Variants in MAU2 observed in about 807,000 individuals in gnomAD.
MAU2 encodes the protein MAU2 chromatid cohesion factor homolog.
Under a neutral mutation model 89.1 loss-of-function variants are expected in MAU2, and 9 were observed. The ratio of observed to expected loss-of-function variants is 0.10; its 90% confidence interval spans 0.06 to 0.18. The LOEUF (loss-of-function observed/expected upper bound fraction) is 0.18, where lower values mean the gene tolerates loss of function less well. Among genes scored for constraint, MAU2 ranks in the 10% least tolerant of loss-of-function variants. The pLI, the probability that MAU2 is intolerant of heterozygous loss-of-function variation, is 1.00. For missense variants in MAU2, 425 were observed against 803.5 expected (o/e 0.53, Z 5.69); for synonymous variants, 357 against 343.4 (o/e 1.04, Z -0.44).
chr19:19,351,743 G>A (rs73526511), intron 16 of MAU2, among the ~76,000 whole-genome samples: 3,248 of 151,052 alleles, frequency 0.022, 123 homozygotes, highest in African/African-American at 0.074. Flanking sequence ...AGGCTGAGAA[G>A]CAAAACAGAA....
intron 13 of MAU2, chr19:19,347,619 C>G: frequency 2.3e-6 from 1 of 434,936 alleles, no homozygotes; most frequent in Non-Finnish European, 4.2e-6. Context: ...ACAAACCAAG[C>G]TGTATGAATC....
chr19:19,327,288 A>AT (rs1325442917), intron 1 of MAU2, among the ~76,000 whole-genome samples: 23 of 149,492 alleles, frequency 1.5e-4, no homozygotes, highest in Admixed American at 1.3e-3. Context: ...TGCCAGGCTA[A>AT]TTTTTTCTAC....
Position 19,355,913 on chromosome 19 carries a change from G to C in MAU2, c.*131G>C. ...TAGAGCTTCCAAGTCCTGGGAATGT[G>C]CGGGGCCAGTCCCTGCCCTCCCAGG... On this transcript the variant is annotated 3_prime_UTR_variant, in exon 19 of 19. Transcript: ENST00000262815. 1.1e-6 allele frequency: 1 copy of C among 906,450 alleles called. No individual in the cohort carries two copies. The highest frequency in any genetic ancestry group is 1.8e-6 in the Non-Finnish European group (1 of 563,244). 56.2% of individuals were successfully genotyped at this position (906,450 alleles called of 1,614,324 possible). A position where few individuals can be genotyped will look rare whatever the true frequency, so the allele number is the denominator to read the frequency against.
Position 19,338,903 on chromosome 19 carries a change from C to T in MAU2, c.515C>T (p.Ala172Val). The part of the protein sequence containing the change: ...VSACDLLGVG[A>V]EYARVVGSEY... ...GCCTGTGACCTCCTGGGTGTAGGGG[C>T]CGAGTACGCCCGGGTGGTGGGATCT... The change falls in exon 5 of 19, where the codon GCC (alanine) becomes GTC (valine). Residue 172 changes from alanine to valine, a missense_variant. Physicochemically the swap from Ala to Val is moderately conservative, Grantham distance 64. Coordinates refer to ENST00000262815, the MANE Select transcript of MAU2 (RefSeq NM_015329.4). The T allele has an allele frequency of 6.2e-7, 1 of 1,613,686 alleles. No individual in the cohort carries two copies. Among genetic ancestry groups the T allele is most frequent in the Non-Finnish European group, 8.5e-7 (1 of 1,179,926 alleles).
chr19:19,346,077 G>T (rs925900837), intron 12 of MAU2, among the ~76,000 whole-genome samples: 8 of 152,144 alleles, frequency 5.3e-5, no homozygotes, highest in African/African-American at 1.9e-4. Flanking sequence ...TCCTGTGTGC[G>T]CCCTGACTGT....
At chr19:19,342,507 TG>T (rs765870579) in intron 7 of MAU2, 27 bp from the exon 8 acceptor site, 4 of 1,528,898 alleles carry the variant, frequency 2.6e-6, no homozygotes, top group Middle Eastern at 1.8e-4. Flanking sequence ...CAGGCTCAGG[TG>T]GATGCTCGGG....
At position 19,346,611 on chromosome 19, in the gene MAU2, G is replaced by A. The variant is rs572110966; in HGVS notation, c.1222-669G>A. On this transcript the variant is annotated intron_variant, in intron 12 of 18. Transcript: ENST00000262815. ...GGGTGTGTGCCAGGAGGGGATCTGT[G>A]CAGGTGGGGTCTGTGCTTCCTGGGC... Among the ~76,000 whole-genome samples, 11 of 152,280 alleles carry A rather than the reference G, an allele frequency of 7.2e-5. No homozygotes were observed. The East Asian group carries it at 2.1e-3, about 29-fold the overall frequency.
chr19:19,355,157 C>A, intron 17 of MAU2, 107 bp from the exon 18 acceptor site: 2 of 1,415,830 alleles, frequency 1.4e-6, no homozygotes, highest in Non-Finnish European at 1.9e-6. Context: ...ACCCAGAGAT[C>A]CACCAGTGCA....
rs547743669 is a variant in MAU2, at chr19:19,340,725, G to C, written c.552-121G>C. 40 of 830,848 alleles carry C rather than the reference G, an allele frequency of 4.8e-5. No homozygotes were observed. The South Asian group carries it at 7.0e-4, about 14-fold the overall frequency. The allele number at this position is 830,848 out of a possible 1,614,324, so 51.5% of individuals were successfully genotyped here. On this transcript the variant is annotated intron_variant, in intron 5 of 18. Coordinates refer to ENST00000262815, the MANE Select transcript of MAU2 (RefSeq NM_015329.4). The stretch of plus-strand genomic sequence containing the variant: ...CAGTCTTGTAAGGGGACTGTTCTCT[G>C]TTGTCCACTGAACTGTCCCCTGAGG...
At chr19:19,328,277 A>C (rs1300820315) in intron 1 of MAU2, among the ~76,000 whole-genome samples, 3 of 151,676 alleles carry the variant, frequency 2.0e-5, no homozygotes, top group Non-Finnish European at 2.9e-5. Flanking sequence ...CATCCCTGTA[A>C]GTTTTCATTC....
chr19:19,332,765 C>T (rs1229955136), intron 1 of MAU2, among the ~76,000 whole-genome samples: 1 of 152,134 alleles, frequency 6.6e-6, no homozygotes, highest in Non-Finnish European at 1.5e-5. Context: ...TAGCAGCAGG[C>T]ATATCTGGCT....
At chr19:19,324,518 G>T (rs1217532340) in intron 1 of MAU2, among the ~76,000 whole-genome samples, 3 of 152,180 alleles carry the variant, frequency 2.0e-5, no homozygotes, top group African/African-American at 7.2e-5. Context: ...TCCCAGGGCT[G>T]TTCAGCCTGT....
rs760801458 is a variant in MAU2 at position 19,338,838 on chromosome 19, T to G, written c.457-7T>G. ...CAGCAAAGGTCACTGCTCTCTTTCCTTTTTAGCAACTGCACACGCTTGAGA... is the reference window on the plus strand; with the variant it reads ...CAGCAAAGGTCACTGCTCTCTTTCCGTTTTAGCAACTGCACACGCTTGAGA... On this transcript the variant is annotated splice_region_variant and splice_polypyrimidine_tract_variant and intron_variant, in intron 4 of 18. Coordinates refer to ENST00000262815, the MANE Select transcript of MAU2 (RefSeq NM_015329.4). The G allele has an allele frequency of 6.2e-6, 10 of 1,609,404 alleles. No homozygotes were observed. Among genetic ancestry groups the G allele is most frequent in the Admixed American group, 5.1e-5 (3 of 59,358 alleles).
chr19:19,349,480 C>A, intron 16 of MAU2, 44 bp downstream of exon 16: 3 of 1,560,878 alleles, frequency 1.9e-6, no homozygotes, highest in Non-Finnish European at 2.6e-6. Context: ...GCCTGTGGGG[C>A]TTGGCTGAGG....
At position 19,358,699 on chromosome 19, in the gene MAU2, C is replaced by T. The variant is rs1044760490; in HGVS notation, c.*2917C>T. On this transcript the variant is annotated 3_prime_UTR_variant, in exon 19 of 19. Transcript: ENST00000262815. Reference sequence around the variant, plus strand: ...AAGACATAACCATAGAACATAGCTTCCTGTTTGTGGATTTTGTTTCCTATA... The same window carrying T: ...AAGACATAACCATAGAACATAGCTTTCTGTTTGTGGATTTTGTTTCCTATA... 2 of 152,258 alleles carry T rather than the reference C, an allele frequency of 1.3e-5. No individual in the cohort carries two copies. The highest frequency in any genetic ancestry group is 4.8e-5 in the African/African-American group (2 of 41,468). The allele number at this position is 152,258 out of a possible 1,614,324, so 9.4% of individuals were successfully genotyped here.
In MAU2 at chr19:19,320,842, G is replaced by GGC. The variant is rs1218740346; in HGVS notation, c.-18_-17insGC. The GGC allele has an allele frequency of 5.3e-6, 8 of 1,509,094 alleles. No homozygotes were observed. Among genetic ancestry groups the GGC allele is most frequent in the Admixed American group, 2.4e-5 (1 of 42,286 alleles). The allele number at this position is 1,509,094 out of a possible 1,614,324, so 93.5% of individuals were successfully genotyped here. On this transcript the variant is annotated 5_prime_UTR_variant, in exon 1 of 19. Coordinates refer to ENST00000262815, the MANE Select transcript of MAU2 (RefSeq NM_015329.4). ...TTCCGCCTCCCTGTGGCGGCGGCTT[G>GGC]TTGTTGTGGAGGCCAAAATGGCGGC...
At chr19:19,348,639 CT>C (rs1239621308) in intron 13 of MAU2, 1 of 617,630 alleles carries the variant, frequency 1.6e-6, no homozygotes, top group Non-Finnish European at 2.9e-6. Context: ...ATACAAAGGC[CT>C]TCTGGACGCC....
intron 4 of MAU2, among the ~76,000 whole-genome samples, chr19:19,338,563 G>A (rs1273117702): frequency 6.6e-6 from 1 of 152,236 alleles, no homozygotes; most frequent in Non-Finnish European, 1.5e-5. Flanking sequence ...GGGGGTCTGT[G>A]CCGTGAGCCT....
rs1599934475 is a variant in MAU2 at position 19,358,385 on chromosome 19, A to G, written c.*2603A>G. On this transcript the variant is annotated 3_prime_UTR_variant, in exon 19 of 19. Coordinates refer to ENST00000262815, the MANE Select transcript of MAU2 (RefSeq NM_015329.4). Reference sequence around the variant, plus strand: ...TCTCCCCAGCTCTGTCCCTGTAGTCACCTGCCGGTGGGCGAGGATCCTCTC... The same window carrying G: ...TCTCCCCAGCTCTGTCCCTGTAGTCGCCTGCCGGTGGGCGAGGATCCTCTC... 1 of 151,978 alleles carries G rather than the reference A, an allele frequency of 6.6e-6. No homozygotes were observed. The highest frequency in any genetic ancestry group is 1.5e-5 in the Non-Finnish European group (1 of 67,994). 9.4% of individuals were successfully genotyped at this position (151,978 alleles called of 1,614,324 possible).
Sources: allele counts gnomAD v4.1 joint callset (sites outside exome capture counted in the v4.1 genomes callset), GRCh38; gene constraint gnomAD v4.1.1; transcripts MANE v1.5; gene names NCBI Gene and HGNC (gene_info 2026-07-23, HGNC 2026-07-21).